ZNF704: variants seen among roughly 807,000 people sequenced by gnomAD.
ZNF704 encodes glucocorticoid induced gene 1.
ZNF704 carries 10 observed loss-of-function variants against 44.7 expected under a neutral mutation model. The observed-to-expected ratio is 0.22, with a 90% CI of 0.14 to 0.38. The LOEUF (loss-of-function observed/expected upper bound fraction) is 0.38. Among genes scored for constraint, ZNF704 ranks in the 10% least tolerant of loss-of-function variants. The pLI is 1.00. For synonymous variants in ZNF704, 211 were observed against 207.6 expected (o/e 1.02, Z -0.14); for missense variants, 390 against 545.5 (o/e 0.71, Z 2.84).
At chr8:80,693,137 G>A in intron 2 of ZNF704, 30 bp from the exon 3 acceptor site, 2 of 1,585,722 alleles carry the variant, frequency 1.3e-6, no homozygotes, top group Non-Finnish European at 1.7e-6. Context: ...ACTGGTGACT[G>A]TTCACTCTGC....
intron 2 of ZNF704, chr8:80,776,964 G>GATTGTTTTC (rs1308777962): frequency 7.9e-5 from 12 of 152,230 alleles, no homozygotes; most frequent in African/African-American, 2.9e-4. Context: ...ACACCCTGCT[G>GATTGTTTTC]ATTGTTTTCT....
At chr8:80,825,830 G>GAAT (rs1386371219) in intron 1 of ZNF704, among the ~76,000 whole-genome samples, 12 of 152,040 alleles carry the variant, frequency 7.9e-5, no homozygotes, top group African/African-American at 2.9e-4. Flanking sequence ...ATGACTACTG[G>GAAT]GTACATCACG....
intron 2 of ZNF704, among the ~76,000 whole-genome samples, chr8:80,707,333 G>A (rs562404284): frequency 6.6e-6 from 1 of 152,220 alleles, no homozygotes; most frequent in South Asian, 2.1e-4. Context: ...ATAATGAAAA[G>A]TATTTCCTTT....
At chr8:80,786,077 C>CG (rs1563552930) in intron 2 of ZNF704, among the ~76,000 whole-genome samples, 3 of 151,848 alleles carry the variant, frequency 2.0e-5, no homozygotes, top group Admixed American at 6.6e-5. Flanking sequence ...CTGGGCAACA[C>CG]GGGGAAACTC....
intron 2 of ZNF704, among the ~76,000 whole-genome samples, chr8:80,696,147 A>G (rs1406261682): frequency 6.6e-6 from 1 of 152,238 alleles, no homozygotes. Context: ...CACTTTGAGA[A>G]AACTGCTGCA....
intron 1 of ZNF704, among the ~76,000 whole-genome samples, chr8:80,861,305 C>T (rs556812538): frequency 1.1e-4 from 17 of 152,190 alleles, no homozygotes; most frequent in Non-Finnish European, 2.1e-4. Flanking sequence ...TTTTGCTGTA[C>T]TGGATTCTTC....
intron 6 of ZNF704, among the ~76,000 whole-genome samples, chr8:80,662,977 G>A (rs868790164): frequency 6.6e-6 from 1 of 152,160 alleles, no homozygotes; most frequent in East Asian, 1.9e-4. Flanking sequence ...ATAATTACAA[G>A]TATGTAAAGG....
chr8:80,815,784 A>G (rs1244123380), intron 2 of ZNF704, among the ~76,000 whole-genome samples: 4 of 152,222 alleles, frequency 2.6e-5, no homozygotes, highest in Non-Finnish European at 5.9e-5. Context: ...ATGATAATAG[A>G]CATTTGTCAA....
At chr8:80,675,085 A>T (rs1372766436) in intron 4 of ZNF704, among the ~76,000 whole-genome samples, 1 of 152,228 alleles carries the variant, frequency 6.6e-6, no homozygotes, top group Non-Finnish European at 1.5e-5. Context: ...AAGGAAGTGA[A>T]ATTCTAGTAG....
Position 80,664,860 on chromosome 8 carries a change from T to C in ZNF704, c.882A>G (p.Ser294=). 2 of 1,614,168 alleles carry C rather than the reference T, an allele frequency of 1.2e-6. No individual in the cohort carries two copies. The highest frequency in any genetic ancestry group is 1.7e-6 in the Non-Finnish European group (2 of 1,180,036). The change falls in exon 6 of 9, where the codon TCA becomes TCG. Residue 294 remains serine (S), a synonymous_variant. Coordinates refer to ENST00000327835, the MANE Select transcript of ZNF704 (RefSeq NM_001033723.3). The stretch of plus-strand genomic sequence containing the variant: ...GCACGAGGTAGAGGGTGGTGGGAGC[T>C]GAGCGGCTCAACGGCGTCATCAACT... The part of the protein sequence containing the change: ...ETKLMTPLSR[S]APTTLYLVHT...
At chr8:80,726,777 T>A (rs1205389387) in intron 2 of ZNF704, among the ~76,000 whole-genome samples, 1 of 152,020 alleles carries the variant, frequency 6.6e-6, no homozygotes, top group African/African-American at 2.4e-5. Context: ...TCCTTGAAAG[T>A]ACATCATCTA....
chr8:80,730,190 A>G (rs527612772), intron 2 of ZNF704, among the ~76,000 whole-genome samples: 2 of 152,228 alleles, frequency 1.3e-5, no homozygotes, highest in Non-Finnish European at 2.9e-5. Context: ...AGTTAAAAGA[A>G]GAAACACGTG....
chr8:80,783,130 T>C (rs1223319837), intron 2 of ZNF704, among the ~76,000 whole-genome samples: 1 of 152,052 alleles, frequency 6.6e-6, no homozygotes, highest in African/African-American at 2.4e-5. Flanking sequence ...ACTGAACATG[T>C]GTGTTCAGCA....
intron 2 of ZNF704, among the ~76,000 whole-genome samples, chr8:80,742,335 C>T (rs1806774699): frequency 6.6e-6 from 1 of 152,150 alleles, no homozygotes; most frequent in African/African-American, 2.4e-5. Context: ...TAGTTTCCTC[C>T]CCTCAGGATG....
chr8:80,698,936 T>C (rs561942769), intron 2 of ZNF704, among the ~76,000 whole-genome samples: 1 of 152,262 alleles, frequency 6.6e-6, no homozygotes, highest in African/African-American at 2.4e-5. Context: ...CACTGTCTCC[T>C]GTGACTAGCT....
chr8:80,825,411 C>A (rs1046728212), intron 1 of ZNF704, among the ~76,000 whole-genome samples: 3 of 152,154 alleles, frequency 2.0e-5, no homozygotes, highest in Admixed American at 2.0e-4. Context: ...TACAGGAGCA[C>A]CCAGATTCAT....
intron 2 of ZNF704, among the ~76,000 whole-genome samples, chr8:80,771,214 G>GT (rs1563547726): frequency 6.6e-6 from 1 of 152,008 alleles, no homozygotes; most frequent in Non-Finnish European, 1.5e-5. Context: ...ATAAATTTTT[G>GT]AATAACCTTC....
chr8:80,852,401 C>A (rs1440440771), intron 1 of ZNF704, among the ~76,000 whole-genome samples: 1 of 152,164 alleles, frequency 6.6e-6, no homozygotes, highest in Non-Finnish European at 1.5e-5. Context: ...CCCCTTTTGA[C>A]TGATAAACTT....
chr8:80,798,256 A>G (rs913417555), intron 2 of ZNF704, among the ~76,000 whole-genome samples: 6 of 148,818 alleles, frequency 4.0e-5, no homozygotes, highest in African/African-American at 1.5e-4. Flanking sequence ...TTTAGTGTCC[A>G]TATTTTTTTT....
Sources: gnomAD v4.1 joint callset for allele counts (sites outside exome capture counted in the v4.1 genomes callset) on GRCh38, gnomAD v4.1.1 for gene constraint, MANE v1.5 for transcripts, NCBI Gene and HGNC (gene_info 2026-07-23, HGNC 2026-07-21) for gene names.